The following SLC22A3 variants were observed in gnomAD, a reference collection of about 807,000 sequenced individuals.
SLC22A3 encodes EMT organic cation transporter 3.
A neutral mutation model predicts 59.1 loss-of-function variants in SLC22A3; 51 were observed. The observed-to-expected ratio is 0.86, with a 90% confidence interval of 0.69 to 1.09. SLC22A3 has a LOEUF of 1.09. Ranked by LOEUF, SLC22A3 falls within the 50% of genes least tolerant of loss-of-function variation. The probability of loss-of-function intolerance (pLI) is 0.00; values close to 1 mark genes in which losing one functional copy is unlikely to be tolerated. For synonymous variants in SLC22A3, 325 were observed against 292.0 expected (o/e 1.11, Z -1.15); for missense variants, 711 against 726.3 (o/e 0.98, Z 0.24).
intron 5 of SLC22A3, among the ~76,000 whole-genome samples, chr6:160,432,254 G>A (rs388170): frequency 0.25 from 38,456 of 151,900 alleles, 6,117 homozygotes; most frequent in East Asian, 0.41. Context: ...CAGGCCTCCC[G>A]CTACAACTAG....
rs150312161 is a variant in SLC22A3 at position 160,440,120 on chromosome 6, T to C, written c.1289-2641T>C. On this transcript the variant is annotated intron_variant, in intron 7 of 10. Coordinates refer to ENST00000275300, the MANE Select transcript of SLC22A3 (RefSeq NM_021977.4). ...AGAAATAGTAGTTCTGGTTGTATTCTCATCTCAGACTCACTGCTTCTAGTC... is the reference window on the plus strand; with the variant it reads ...AGAAATAGTAGTTCTGGTTGTATTCCCATCTCAGACTCACTGCTTCTAGTC... Among the ~76,000 whole-genome samples, 6 of 152,370 alleles carry C rather than the reference T, an allele frequency of 3.9e-5. No homozygotes were observed. In the East Asian group the frequency reaches 1.2e-3, roughly 29 times the overall value.
At chr6:160,374,755 T>C (rs140660801) in intron 1 of SLC22A3, among the ~76,000 whole-genome samples, 1 of 152,108 alleles carries the variant, frequency 6.6e-6, no homozygotes, top group African/African-American at 2.4e-5. Flanking sequence ...CAGACCTGGA[T>C]CAAGAAGGGC....
chr6:160,370,351 A>C (rs1785356754), intron 1 of SLC22A3, among the ~76,000 whole-genome samples: 1 of 151,964 alleles, frequency 6.6e-6, no homozygotes, highest in South Asian at 2.1e-4. Flanking sequence ...AAGGACATCA[A>C]CTCTTGTAGT....
chr6:160,395,403 AC>A, intron 1 of SLC22A3, among the ~76,000 whole-genome samples: 1 of 152,360 alleles, frequency 6.6e-6, no homozygotes, highest in African/African-American at 2.4e-5. Flanking sequence ...TATTTGAAGT[AC>A]AGATGGATGA....
At chr6:160,398,852 A>G (rs1786635298) in intron 2 of SLC22A3, among the ~76,000 whole-genome samples, 1 of 151,814 alleles carries the variant, frequency 6.6e-6, no homozygotes, top group Non-Finnish European at 1.5e-5. Context: ...ATCTGGCCTA[A>G]TATTGTTCTG....
chr6:160,390,146 C>T (rs771317748), intron 1 of SLC22A3, among the ~76,000 whole-genome samples: 10 of 151,952 alleles, frequency 6.6e-5, no homozygotes, highest in Non-Finnish European at 1.5e-4. Context: ...ATAGAGTAGC[C>T]CTATTCAGAT....
intron 1 of SLC22A3, among the ~76,000 whole-genome samples, chr6:160,360,956 A>G (rs565582768): frequency 6.6e-6 from 1 of 152,228 alleles, no homozygotes; most frequent in African/African-American, 2.4e-5. Flanking sequence ...TCATTCTAAA[A>G]GAAGGGGTAG....
At chr6:160,426,422 T>C in intron 5 of SLC22A3, 3 of 906,974 alleles carry the variant, frequency 3.3e-6, no homozygotes, top group Non-Finnish European at 4.0e-6. Context: ...ACTCGTCTCA[T>C]GTCCTACTTG....
intron 1 of SLC22A3, among the ~76,000 whole-genome samples, chr6:160,362,734 G>A (rs918321547): frequency 6.6e-6 from 1 of 152,196 alleles, no homozygotes; most frequent in Non-Finnish European, 1.5e-5. Flanking sequence ...TGAGCCTTCT[G>A]GCATTGTGGG....
chr6:160,354,940 G>A (rs950039895), intron 1 of SLC22A3, among the ~76,000 whole-genome samples: 2 of 152,152 alleles, frequency 1.3e-5, no homozygotes, highest in African/African-American at 4.8e-5. Flanking sequence ...GGAAGTGAAT[G>A]TGGAACTGCT....
intron 1 of SLC22A3, among the ~76,000 whole-genome samples, chr6:160,355,486 G>C (rs1784801133): frequency 6.6e-6 from 1 of 152,044 alleles, no homozygotes; most frequent in Admixed American, 6.5e-5. Context: ...CCTCGGCCGG[G>C]CACGGTGGCT....
chr6:160,378,685 A>C (rs1785685471), intron 1 of SLC22A3, among the ~76,000 whole-genome samples: 1 of 152,230 alleles, frequency 6.6e-6, no homozygotes, highest in Admixed American at 6.5e-5. Flanking sequence ...AAATGCATTT[A>C]ATATACCTAA....
At chr6:160,394,056 T>G (rs2114824132) in intron 1 of SLC22A3, among the ~76,000 whole-genome samples, 1 of 152,382 alleles carries the variant, frequency 6.6e-6, no homozygotes, top group East Asian at 1.9e-4. Context: ...TAAAAGTGAC[T>G]TTGAAGATTA....
rs116543605 is a variant in SLC22A3 at position 160,355,480 on chromosome 6, G to A, written c.429+6632G>A. 7.9e-3 allele frequency among the ~76,000 whole-genome samples: 1,197 copies of A among 152,080 alleles called. 18 individuals carry two copies. Among genetic ancestry groups the A allele is most frequent in the African/African-American group, 0.027 (1,122 of 41,478 alleles). On this transcript the variant is annotated intron_variant, in intron 1 of 10. Transcript: ENST00000275300. ...TTCCTCAAAATACCTGTCTTTCCTC[G>A]GCCGGGCACGGTGGCTCACACCTGT...
At chr6:160,448,533 T>C (rs1198770149) in intron 10 of SLC22A3, among the ~76,000 whole-genome samples, 1 of 152,016 alleles carries the variant, frequency 6.6e-6, no homozygotes, top group African/African-American at 2.4e-5. Context: ...AAATAGATAA[T>C]AGATGATAGA....
intron 5 of SLC22A3, among the ~76,000 whole-genome samples, chr6:160,428,829 C>T (rs1788053914): frequency 6.6e-6 from 1 of 152,180 alleles, no homozygotes; most frequent in Admixed American, 6.5e-5. Context: ...ATTTTATCTA[C>T]TCTTGTTTTA....
At chr6:160,408,975 T>A in intron 4 of SLC22A3, 54 bp downstream of exon 4, 6 of 1,347,676 alleles carry the variant, frequency 4.5e-6, no homozygotes, top group Non-Finnish European at 6.3e-6. Context: ...GAAATTAGAC[T>A]CCAAACAGAC....
intron 8 of SLC22A3, among the ~76,000 whole-genome samples, chr6:160,443,283 C>T (rs896780356): frequency 1.3e-5 from 2 of 152,166 alleles, no homozygotes; most frequent in African/African-American, 4.8e-5. Context: ...ACAGTGTGCA[C>T]GGATTAGTGC....
chr6:160,380,384 G>A (rs924691976), intron 1 of SLC22A3, among the ~76,000 whole-genome samples: 1 of 152,008 alleles, frequency 6.6e-6, no homozygotes, highest in African/African-American at 2.4e-5. Flanking sequence ...GTAAAGGCAT[G>A]TAATCTCTTT....
Sources: allele counts gnomAD v4.1 joint callset (sites outside exome capture counted in the v4.1 genomes callset), GRCh38; gene constraint gnomAD v4.1.1; transcripts MANE v1.5; gene names NCBI Gene and HGNC (gene_info 2026-07-23, HGNC 2026-07-21).